ZZEF1: variants seen among roughly 807,000 people sequenced by gnomAD.
ZZEF1 encodes zinc finger ZZ-type and EF-hand domain containing 1.
Under a neutral mutation model 342.8 loss-of-function variants are expected in ZZEF1, and 157 were observed. That is an observed-to-expected ratio of 0.46 (90% CI 0.40 to 0.52). ZZEF1 has a LOEUF of 0.52. ZZEF1 is among the 20% of genes least tolerant of loss of function. The pLI, the probability that ZZEF1 is intolerant of heterozygous loss-of-function variation, is 0.00. For synonymous variants in ZZEF1, 1,505 were observed against 1,429.1 expected, an observed-to-expected ratio of 1.05 and a Z score of -1.20; for missense variants, 3,480 against 3,725.6, an observed-to-expected ratio of 0.93 and a Z score of 1.72.
At chr17:4,068,151 C>A (rs2057438799) in intron 26 of ZZEF1, among the ~76,000 whole-genome samples, 1 of 152,066 alleles carries the variant, frequency 6.6e-6, no homozygotes. Context: ...TATGAATATA[C>A]CTACATAAAG....
chr17:4,133,878 A>AG (rs1360201902), intron 1 of ZZEF1, among the ~76,000 whole-genome samples: 3 of 151,440 alleles, frequency 2.0e-5, no homozygotes, highest in Non-Finnish European at 4.4e-5. Context: ...CTAGTTTTTT[A>AG]TTTTTTTGTA....
chr17:4,097,091 C>T (rs1022003211), intron 9 of ZZEF1, among the ~76,000 whole-genome samples: 1 of 151,884 alleles, frequency 6.6e-6, no homozygotes, highest in Non-Finnish European at 1.5e-5. Flanking sequence ...GAAACCCCGT[C>T]TCTACTAAAA....
intron 52 of ZZEF1, among the ~76,000 whole-genome samples, chr17:4,010,447 G>A (rs375891071): frequency 5.3e-5 from 8 of 151,842 alleles, no homozygotes; most frequent in South Asian, 4.2e-4. Flanking sequence ...GTGGCCGGGC[G>A]CGGTAGCTCA....
rs775543343 is a variant in ZZEF1 at position 4,009,518 on chromosome 17, A to G, written c.8733+86T>C. 5.0e-6 allele frequency: 8 copies of G among 1,585,450 alleles called. No individual in the cohort carries two copies. In the Middle Eastern group the frequency reaches 6.9e-4, roughly 136 times the overall value. ...CGAGACCCTGGCCACTCAGGCTCGGATGAGGCAGCAGCTTCTGCCCTGGGT... is the reference window on the plus strand; with the variant it reads ...CGAGACCCTGGCCACTCAGGCTCGGGTGAGGCAGCAGCTTCTGCCCTGGGT... On this transcript the variant is annotated intron_variant, in intron 53 of 54. Transcript: ENST00000381638.
chr17:4,126,746 A>C (rs1381627117), intron 1 of ZZEF1, among the ~76,000 whole-genome samples: 16 of 152,116 alleles, frequency 1.1e-4, no homozygotes, highest in Admixed American at 1.0e-3. Context: ...AGGGTGGATC[A>C]CTTCAGGCCA....
intron 1 of ZZEF1, among the ~76,000 whole-genome samples, chr17:4,128,010 C>T (rs936842601): frequency 6.6e-6 from 1 of 152,072 alleles, no homozygotes; most frequent in African/African-American, 2.4e-5. Flanking sequence ...GCCCAGGCCA[C>T]CGGGACATTT....
At chr17:4,115,104 C>T (rs1459665992) in intron 3 of ZZEF1, among the ~76,000 whole-genome samples, 1 of 152,096 alleles carries the variant, frequency 6.6e-6, no homozygotes. Context: ...TCACCGCAGC[C>T]TCGATCTCCT....
chr17:4,050,629 C>A, intron 36 of ZZEF1, 152 bp downstream of exon 36: 1 of 1,096,044 alleles, frequency 9.1e-7, no homozygotes. Flanking sequence ...CATCGGGGAA[C>A]TTAAAAATTA....
chr17:4,059,336 T>C (rs746243570), intron 30 of ZZEF1, 46 bp from the exon 31 acceptor site: 1 of 1,572,378 alleles, frequency 6.4e-7, no homozygotes, highest in South Asian at 1.2e-5. Context: ...CCAGAACATC[T>C]TTTTCTTAAT....
chr17:4,110,710 T>C (rs1015871587), intron 5 of ZZEF1, among the ~76,000 whole-genome samples: 1 of 110,302 alleles, frequency 9.1e-6, no homozygotes, highest in Non-Finnish European at 2.0e-5. Flanking sequence ...AAATTACGGC[T>C]TTTTTTTTTT....
intron 13 of ZZEF1, among the ~76,000 whole-genome samples, chr17:4,088,404 G>A (rs936134954): frequency 2.0e-5 from 3 of 152,082 alleles, no homozygotes; most frequent in African/African-American, 4.8e-5. Context: ...TGGCAGCCAC[G>A]GCCAGGGCTC....
rs371790679 is a variant in ZZEF1, at chr17:4,051,976, G to A, written c.5595C>T (p.Ser1865=). Residue 1865 remains serine, a synonymous_variant, in exon 35 of 55, where the codon TCC becomes TCT. Coordinates refer to ENST00000381638, the MANE Select transcript of ZZEF1 (RefSeq NM_015113.4). ...GACGGTCACTTGAGACATACCCGTA[G>A]GAGTATTTCTTCGCTGCATAGCATC... ...CYGCYAAKKY[S]YGHLPTHSIT... is the part of the protein sequence containing the mutation. 22 of 1,613,776 alleles carry A rather than the reference G, an allele frequency of 1.4e-5. No individual in the cohort carries two copies. Among genetic ancestry groups the A allele is most frequent in the African/African-American group, 2.7e-5 (2 of 74,914 alleles).
chr17:4,101,814 G>C (rs928617690), intron 9 of ZZEF1, among the ~76,000 whole-genome samples: 1 of 152,008 alleles, frequency 6.6e-6, no homozygotes. Flanking sequence ...TTTTTTATTA[G>C]GGATGGGGTT....
At chr17:4,108,515 T>C (rs142630486) in intron 6 of ZZEF1, among the ~76,000 whole-genome samples, 1 of 152,328 alleles carries the variant, frequency 6.6e-6, no homozygotes, top group African/African-American at 2.4e-5. Context: ...TGGATCCTTT[T>C]GCTGTAAGGG....
chr17:4,112,033 A>AATATAT (rs57925351), intron 5 of ZZEF1, among the ~76,000 whole-genome samples: 15 of 54,436 alleles, frequency 2.8e-4, no homozygotes, highest in Admixed American at 1.1e-3. Context: ...ATCCTGTCTA[A>AATATAT]ATATATATAT....
Position 4,064,347 on chromosome 17 carries a change from A to G in ZZEF1, c.4718+14T>C, listed in dbSNP as rs943316831. On this transcript the variant is annotated intron_variant, in intron 29 of 54. Coordinates refer to ENST00000381638, the MANE Select transcript of ZZEF1 (RefSeq NM_015113.4). ...TAAAAAGAGAAAGCGACAGGAAGGTAACAACGGGCTTACCTCCTGTGCGAG... is the reference window on the plus strand; with the variant it reads ...TAAAAAGAGAAAGCGACAGGAAGGTGACAACGGGCTTACCTCCTGTGCGAG... 3.9e-6 allele frequency: 6 copies of G among 1,554,296 alleles called. No homozygotes were observed. Among genetic ancestry groups the G allele is most frequent in the Non-Finnish European group, 5.2e-6 (6 of 1,146,102 alleles).
At position 4,009,698 on chromosome 17, in the gene ZZEF1, T is replaced by C. The variant is rs1360902389; in HGVS notation, c.8639A>G (p.Tyr2880Cys). The C allele has an allele frequency of 3.1e-6, 5 of 1,614,020 alleles. No individual in the cohort carries two copies. The South Asian group carries it at 4.4e-5, about 14-fold the overall frequency. Residue 2880 changes from tyrosine (Y) to cysteine (C), a missense_variant, in exon 53 of 55, where the codon TAC (tyrosine) becomes TGC (cysteine). This residue lies in a region of ZZEF1 where 1,269 missense variants were observed against 1,342.4 expected (regional missense o/e 0.95). Coordinates refer to ENST00000381638, the MANE Select transcript of ZZEF1 (RefSeq NM_015113.4). Reference protein sequence around the residue: ...PLWQLFTHMEYGLFEDVTQPG... With the variant: ...PLWQLFTHMECGLFEDVTQPG... ...CTGCGTCACGTCCTCAAACAGGCCG[T>C]ACTCCATGTGGGTAAAGAGCTGCCA...
intron 1 of ZZEF1, among the ~76,000 whole-genome samples, chr17:4,142,276 CA>C (rs2058868627): frequency 6.6e-6 from 1 of 152,194 alleles, no homozygotes; most frequent in Non-Finnish European, 1.5e-5. Context: ...AGAGTAGCGT[CA>C]ATCAACTGCA....
At chr17:4,009,843 G>C (rs1243538634) in intron 52 of ZZEF1, 86 bp from the exon 53 acceptor site, 1 of 1,459,390 alleles carries the variant, frequency 6.9e-7, no homozygotes, top group Non-Finnish European at 9.3e-7. Context: ...CCACAGCTCA[G>C]ACCCTCCCTC....
Sources: gnomAD v4.1 joint callset for allele counts (sites outside exome capture counted in the v4.1 genomes callset) on GRCh38, gnomAD v4.1.1 for gene constraint, gnomAD v4.1.1 regional missense constraint, MANE v1.5 for transcripts, NCBI Gene and HGNC (gene_info 2026-07-23, HGNC 2026-07-21) for gene names.